The following ATAT1 variants were observed in gnomAD, a reference collection of about 807,000 sequenced individuals.
The protein encoded by ATAT1 is alpha tubulin acetyltransferase 1.
ATAT1 carries 42 observed loss-of-function variants against 57.2 expected under a neutral mutation model. That is an observed-to-expected ratio of 0.73 (90% CI 0.57 to 0.95). The LOEUF is 0.95. Among genes scored for constraint, ATAT1 ranks in the 40% least tolerant of loss-of-function variants. The pLI, the probability that ATAT1 is intolerant of heterozygous loss-of-function variation, is 0.00. For missense variants in ATAT1, 454 were observed against 523.7 expected, an observed-to-expected ratio of 0.87 and a Z score of 1.30; for synonymous variants, 168 against 187.1, an observed-to-expected ratio of 0.90 and a Z score of 0.83.
At chr6:30,644,330 A>C (rs45503895) in intron 10 of ATAT1, 89,548 of 985,644 alleles carry the variant, frequency 0.091, 4,494 homozygotes, top group Non-Finnish European at 0.1. Context: ...TCTTGCATCC[A>C]TCCCTCCCTG....
intron 10 of ATAT1, among the ~76,000 whole-genome samples, chr6:30,645,114 G>A (rs1167515528): frequency 1.3e-5 from 2 of 152,098 alleles, no homozygotes; most frequent in Non-Finnish European, 2.9e-5. Context: ...CCTCCATTGA[G>A]AGTGCAACAC....
intron 6 of ATAT1, among the ~76,000 whole-genome samples, chr6:30,629,244 CTTT>C (rs111725584): frequency 3.6e-5 from 5 of 137,308 alleles, no homozygotes; most frequent in Admixed American, 1.5e-4. Flanking sequence ...CCTAATTTTT[CTTT>C]TTTTTTTTTT....
chr6:30,632,469 G>A (rs564214754), intron 6 of ATAT1, among the ~76,000 whole-genome samples: 36 of 151,942 alleles, frequency 2.4e-4, no homozygotes, highest in African/African-American at 8.2e-4. Context: ...CTACTTGGGA[G>A]GCTGAGATAG....
intron 6 of ATAT1, 60 bp downstream of exon 6, chr6:30,628,490 T>C: frequency 3.6e-6 from 5 of 1,393,092 alleles, no homozygotes; most frequent in Non-Finnish European, 5.0e-6. Flanking sequence ...ATTTGTTATT[T>C]ATGGCAAAGA....
chr6:30,627,476 C>T lies in ATAT1; in HGVS notation c.88C>T (p.Gln30Ter). ...TTTCTCTAGTGTTGATCTACAGCAG[C>T]AAATTATGACCATTATAGATGAACT... The change falls in exon 2 of 13, where the codon CAA becomes TAA. Residue 30 changes from glutamine to a stop codon, truncating the protein, a stop_gained. Transcript: ENST00000330083. LOFTEE classifies it high-confidence loss of function. 1.2e-6 allele frequency: 2 copies of T among 1,613,566 alleles called. No homozygotes were observed. Among genetic ancestry groups the T allele is most frequent in the Non-Finnish European group, 1.7e-6 (2 of 1,179,758 alleles).
At chr6:30,628,541 C>A in intron 6 of ATAT1, 111 bp downstream of exon 6, 1 of 836,110 alleles carries the variant, frequency 1.2e-6, no homozygotes, top group Non-Finnish European at 1.9e-6. Flanking sequence ...TCATTTTCTA[C>A]AACCAGGCTC....
intron 10 of ATAT1, among the ~76,000 whole-genome samples, chr6:30,645,399 A>G (rs1453693407): frequency 6.6e-6 from 1 of 152,078 alleles, no homozygotes; most frequent in Non-Finnish European, 1.5e-5. Flanking sequence ...TATTTTTAGT[A>G]GAGACAGGGT....
chr6:30,646,305 G>A (rs777908155), intron 12 of ATAT1, 164 bp from the exon 13 acceptor site: 101 of 1,447,756 alleles, frequency 7.0e-5, no homozygotes, highest in Non-Finnish European at 9.1e-5. Flanking sequence ...TTTGGAATAC[G>A]GATTCTCTGA....
chr6:30,640,515 C>T lies in ATAT1; in HGVS notation c.548-20C>T, dbSNP rs371568353. On this transcript the variant is annotated intron_variant, in intron 7 of 12. Transcript: ENST00000330083. ...CTGCCGACCCCTCACTGAGGGGCCC[C>T]GCCGCTTCCTTCCTCACAGGGCCCC... The T allele has an allele frequency of 9.3e-6, 15 of 1,612,814 alleles. No individual in the cohort carries two copies. The highest frequency in any genetic ancestry group is 6.7e-5 in the Admixed American group (4 of 60,006).
chr6:30,642,833 G>GGCCAC lies in ATAT1; in HGVS notation c.754_755insGCCAC (p.Ala252GlyfsTer69). The GGCCAC allele has an allele frequency of 6.5e-7, 1 of 1,537,876 alleles. No individual in the cohort carries two copies. On this transcript the variant is annotated frameshift_variant, in exon 10 of 13. Transcript: ENST00000330083. LOFTEE classifies it high-confidence loss of function. ...GGCCCCTCGCCGCGCCACACCTCCA[G>GGCCAC]CCCACCCACCCCCCCGCTCCAGCAG...
chr6:30,642,293 A>G, intron 9 of ATAT1, 46 bp downstream of exon 9: 1 of 1,611,386 alleles, frequency 6.2e-7, no homozygotes, highest in Non-Finnish European at 8.5e-7. Flanking sequence ...GTACCTTAAC[A>G]CAAGGGAAGA....
At chr6:30,645,684 A>T (rs1487253480) in intron 10 of ATAT1, among the ~76,000 whole-genome samples, 1 of 152,180 alleles carries the variant, frequency 6.6e-6, no homozygotes, top group African/African-American at 2.4e-5. Flanking sequence ...AGAGCAATAA[A>T]TCAGAAGCAC....
intron 6 of ATAT1, among the ~76,000 whole-genome samples, chr6:30,637,097 G>C (rs1764263960): frequency 6.6e-6 from 1 of 152,058 alleles, no homozygotes; most frequent in South Asian, 2.1e-4. Flanking sequence ...CACCATACCC[G>C]GTCCTGGAGC....
At position 30,643,005 on chromosome 6, in the gene ATAT1, G is replaced by A. The variant is rs780376474; in HGVS notation, c.926G>A (p.Arg309His). 3.7e-6 allele frequency: 6 copies of A among 1,611,846 alleles called. No homozygotes were observed. The highest frequency in any genetic ancestry group is 1.3e-5 in the African/African-American group (1 of 74,970). ...GGGGGCAGCCCAGCTCAACGTCGTC[G>A]CACCAGGTAATAGGAGTTGAAGGGC... The change falls in exon 10 of 13, where the codon CGC becomes CAC. Residue 309 changes from arginine to histidine, a missense_variant. By Grantham distance (29) the Arg-to-His change is conservative (BLOSUM62 0). Transcript: ENST00000330083.
At chr6:30,646,420 TTCCTCTTTAGTATTCCTATAACCCACTC>T in intron 12 of ATAT1, 21 bp from the exon 13 acceptor site, 1 of 1,484,972 alleles carries the variant, frequency 6.7e-7, no homozygotes, top group Non-Finnish European at 9.0e-7. Flanking sequence ...TAATCTTAAT[TTCCTCTTTAGTATTCCTATAACCCACTC>T]TCCATCTCCC....
intron 9 of ATAT1, 116 bp downstream of exon 9, chr6:30,642,363 C>T: frequency 6.9e-7 from 1 of 1,445,308 alleles, no homozygotes; most frequent in Non-Finnish European, 9.6e-7. Flanking sequence ...ATTTCTTGGG[C>T]TGGGCATGGT....
At chr6:30,645,408 G>A (rs1304225224) in intron 10 of ATAT1, among the ~76,000 whole-genome samples, 16 of 151,984 alleles carry the variant, frequency 1.1e-4, no homozygotes. Flanking sequence ...TAGAGACAGG[G>A]TTTCACCATG....
At chr6:30,640,760 C>A in intron 8 of ATAT1, 157 bp downstream of exon 8, 3 of 759,394 alleles carry the variant, frequency 4.0e-6, no homozygotes, top group Non-Finnish European at 2.1e-6. Flanking sequence ...CTCATGGGAG[C>A]TCAGTGCATT....
At chr6:30,633,637 A>G (rs1352941208) in intron 6 of ATAT1, 6 of 201,174 alleles carry the variant, frequency 3.0e-5, no homozygotes, top group Admixed American at 5.9e-5. Flanking sequence ...CCACCATGTC[A>G]GAGGCAGTTG....
Sources: gnomAD v4.1 joint callset for allele counts (sites outside exome capture counted in the v4.1 genomes callset) on GRCh38, gnomAD v4.1.1 for gene constraint, MANE v1.5 for transcripts, NCBI Gene and HGNC (gene_info 2026-07-23, HGNC 2026-07-21) for gene names.